MDGA2: variants seen among roughly 807,000 people sequenced by gnomAD.
MDGA2 encodes the protein MAM domain containing glycosylphosphatidylinositol anchor 2.
MDGA2 carries 40 observed loss-of-function variants against 117.8 expected under a neutral mutation model. That is an observed-to-expected ratio of 0.34 (90% CI 0.26 to 0.44). MDGA2 has a LOEUF of 0.44. Ranked by LOEUF, MDGA2 falls within the 20% of genes least tolerant of loss-of-function variation. The pLI, the probability that MDGA2 is intolerant of heterozygous loss-of-function variation, is 1.00. For missense variants in MDGA2, 1,123 were observed against 1,250.6 expected, an observed-to-expected ratio of 0.90 and a Z score of 1.54; for synonymous variants, 452 against 439.0, an observed-to-expected ratio of 1.03 and a Z score of -0.37.
chr14:47,018,541 T>C (rs899917402), intron 8 of MDGA2, among the ~76,000 whole-genome samples: 3 of 151,760 alleles, frequency 2.0e-5, no homozygotes, highest in African/African-American at 7.3e-5. Flanking sequence ...AAAAAGATTA[T>C]GTCTAATAAA....
chr14:47,046,474 G>A (rs1889269280), intron 7 of MDGA2, among the ~76,000 whole-genome samples: 1 of 150,974 alleles, frequency 6.6e-6, no homozygotes, highest in Non-Finnish European at 1.5e-5. Context: ...AGAGGGGAGG[G>A]AAAACATCAG....
intron 3 of MDGA2, among the ~76,000 whole-genome samples, chr14:47,186,272 G>T (rs1430987407): frequency 6.6e-6 from 1 of 151,432 alleles, no homozygotes; most frequent in South Asian, 2.1e-4. Context: ...GTAATGCAAT[G>T]ATTACATAAA....
intron 1 of MDGA2, among the ~76,000 whole-genome samples, chr14:47,583,093 G>A (rs1438619418): frequency 6.6e-6 from 1 of 152,008 alleles, no homozygotes; most frequent in East Asian, 1.9e-4. Context: ...AACACATAAT[G>A]TATGGTTTTT....
chr14:47,015,995 T>G (rs1013946352), intron 8 of MDGA2, among the ~76,000 whole-genome samples: 1 of 152,092 alleles, frequency 6.6e-6, no homozygotes, highest in African/African-American at 2.4e-5. Context: ...CAGTAAAGCA[T>G]TACTTTACTG....
chr14:47,368,777 ATAAT>A (rs68048857), intron 1 of MDGA2, among the ~76,000 whole-genome samples: 33,482 of 151,998 alleles, frequency 0.22, 4,027 homozygotes, highest in Middle Eastern at 0.36. Context: ...TAGAAAGCGC[ATAAT>A]TAGAGAGTTC....
chr14:47,041,616 C>T lies in MDGA2; in HGVS notation c.1526-6312G>A, dbSNP rs572823836. On this transcript the variant is annotated intron_variant, in intron 7 of 16. Coordinates refer to ENST00000399232, the MANE Select transcript of MDGA2 (RefSeq NM_001113498.3). ...AAACTGGAAAAACATGATATGACAC[C>T]AAAGTTTCTCATTCCAAACGTAAAT... Among the ~76,000 whole-genome samples the T allele has an allele frequency of 2.7e-5, 4 of 146,860 alleles. No individual in the cohort carries two copies. The South Asian group carries it at 8.7e-4, about 32-fold the overall frequency.
intron 1 of MDGA2, among the ~76,000 whole-genome samples, chr14:47,659,772 A>C (rs1403249806): frequency 6.6e-6 from 1 of 152,230 alleles, no homozygotes; most frequent in Non-Finnish European, 1.5e-5. Context: ...AGTACTCCCA[A>C]ATATAGAACT....
chr14:47,480,158 A>G (rs1013404654), intron 1 of MDGA2, among the ~76,000 whole-genome samples: 15 of 152,086 alleles, frequency 9.9e-5, no homozygotes, highest in African/African-American at 3.6e-4. Context: ...CTTCTAATGT[A>G]TAGCTCAAAC....
In MDGA2 at chr14:46,957,635, C is replaced by T. The variant is rs759127274; in HGVS notation, c.1828G>A (p.Ala610Thr). The change falls in exon 9 of 17, where the codon GCA (alanine) becomes ACA (threonine). Residue 610 changes from alanine (A) to threonine (T), a missense_variant. Physicochemically the swap from Ala to Thr is moderately conservative, Grantham distance 58 (BLOSUM62 0). Around this residue, in one of 2 missense-constraint regions of MDGA2, gnomAD observed 890 missense variants for 1,050.3 expected, o/e 0.85. Coordinates refer to ENST00000399232, the MANE Select transcript of MDGA2 (RefSeq NM_001113498.3). ...LVQLIVQYPP[A>T]VEPAFLEIRQ... is the part of the protein sequence containing the mutation. The stretch of plus-strand genomic sequence containing the variant: ...ATTTCCAAGAATGCTGGTTCCACTG[C>T]AGGGGGATCTGTAGAAAAGATATGT... The T allele has an allele frequency of 5.0e-6, 8 of 1,614,044 alleles. No individual in the cohort carries two copies. Among genetic ancestry groups the T allele is most frequent in the Middle Eastern group, 1.6e-4 (1 of 6,062 alleles).
intron 1 of MDGA2, among the ~76,000 whole-genome samples, chr14:47,514,244 C>T (rs986110097): frequency 7.9e-5 from 12 of 152,038 alleles, no homozygotes; most frequent in African/African-American, 2.9e-4. Context: ...CTTTAAACAA[C>T]CGGCCTCATT....
At chr14:47,357,723 T>C (rs1891027372) in intron 1 of MDGA2, among the ~76,000 whole-genome samples, 1 of 152,198 alleles carries the variant, frequency 6.6e-6, no homozygotes, top group Admixed American at 6.5e-5. Context: ...ATATTTAAAG[T>C]GATAGCAAAC....
intron 10 of MDGA2, among the ~76,000 whole-genome samples, chr14:46,906,693 C>G (rs1380471206): frequency 6.6e-6 from 1 of 152,026 alleles, no homozygotes; most frequent in African/African-American, 2.4e-5. Context: ...TAATACAACT[C>G]TAGGAAGGGA....
At chr14:47,213,275 C>T (rs1165490284) in intron 3 of MDGA2, among the ~76,000 whole-genome samples, 2 of 152,084 alleles carry the variant, frequency 1.3e-5, no homozygotes, top group Admixed American at 1.3e-4. Context: ...CCTTCTAGCC[C>T]CAGATTTCCA....
intron 2 of MDGA2, among the ~76,000 whole-genome samples, chr14:47,282,560 TGGC>T (rs1175034400): frequency 1.3e-5 from 2 of 151,566 alleles, no homozygotes; most frequent in Non-Finnish European, 2.9e-5. Flanking sequence ...TAGCCGGGTG[TGGC>T]GGCAGGCGCC....
chr14:47,380,022 C>A lies in MDGA2; in HGVS notation c.281-78472G>T, dbSNP rs540841865. On this transcript the variant is annotated intron_variant, in intron 1 of 16. Coordinates refer to ENST00000399232, the MANE Select transcript of MDGA2 (RefSeq NM_001113498.3). ...AAGAACAGAAATTATAACGAACTGT[C>A]TCTCAGACCACAGTGCAATCAAACT... 3.3e-5 allele frequency among the ~76,000 whole-genome samples: 5 copies of A among 152,308 alleles called. No homozygotes were observed. In the East Asian group the frequency reaches 9.7e-4, roughly 29 times the overall value.
At chr14:46,935,157 T>C (rs1884732821) in intron 9 of MDGA2, among the ~76,000 whole-genome samples, 1 of 152,064 alleles carries the variant, frequency 6.6e-6, no homozygotes, top group South Asian at 2.1e-4. Flanking sequence ...CAGAAGAAAT[T>C]CCACGGATGT....
chr14:46,983,638 T>C (rs1288435922), intron 8 of MDGA2, among the ~76,000 whole-genome samples: 3 of 152,186 alleles, frequency 2.0e-5, no homozygotes, highest in Non-Finnish European at 4.4e-5. Context: ...AATTTCAATA[T>C]CTTCCTGGTT....
chr14:47,018,814 T>C (rs1888180711), intron 8 of MDGA2, among the ~76,000 whole-genome samples: 1 of 130,918 alleles, frequency 7.6e-6, no homozygotes, highest in Non-Finnish European at 1.7e-5. Flanking sequence ...GAAATCCTTC[T>C]ACACATTCAC....
chr14:47,335,734 T>TATATATATATA (rs1555374518), intron 1 of MDGA2, among the ~76,000 whole-genome samples: 7 of 48,006 alleles, frequency 1.5e-4, no homozygotes, highest in South Asian at 1.4e-3. Flanking sequence ...CACATATATT[T>TATATATATATA]TATATATATA....
Sources: allele counts gnomAD v4.1 joint callset (sites outside exome capture counted in the v4.1 genomes callset), GRCh38; gene constraint gnomAD v4.1.1; regional missense constraint gnomAD v4.1.1; transcripts MANE v1.5; gene names NCBI Gene and HGNC (gene_info 2026-07-23, HGNC 2026-07-21).